The following PELI1 variants were observed in gnomAD, a reference collection of about 807,000 sequenced individuals.
The protein encoded by PELI1 is E3 ubiquitin-protein ligase pellino homolog 1.
In PELI1, 15 loss-of-function variants were observed where a neutral mutation model predicts 41.3. The ratio of observed to expected loss-of-function variants is 0.36; its 90% CI spans 0.24 to 0.56. PELI1 has a LOEUF of 0.56. Among genes scored for constraint, PELI1 ranks in the 20% least tolerant of loss-of-function variants. The pLI is 0.82. For missense variants in PELI1, 403 were observed against 525.5 expected, an observed-to-expected ratio of 0.77 and a Z score of 2.28; for synonymous variants, 178 against 180.1, an observed-to-expected ratio of 0.99 and a Z score of 0.09.
intron 1 of PELI1, among the ~76,000 whole-genome samples, chr2:64,110,928 A>T (rs1307254254): frequency 6.7e-6 from 1 of 149,296 alleles, no homozygotes; most frequent in Non-Finnish European, 1.5e-5. Context: ...TCCATTTCAA[A>T]ATATATATAT....
At chr2:64,123,205 A>T (rs1458846432) in intron 1 of PELI1, among the ~76,000 whole-genome samples, 1 of 152,222 alleles carries the variant, frequency 6.6e-6, no homozygotes, top group Non-Finnish European at 1.5e-5. Context: ...AAAAAGCTGA[A>T]AATCAGACAA....
At chr2:64,144,021 C>A (rs1682019079) in intron 1 of PELI1, 60 bp downstream of exon 1, 1 of 151,688 alleles carries the variant, frequency 6.6e-6, no homozygotes, top group Admixed American at 6.6e-5. Flanking sequence ...GCCCGCCCTC[C>A]CCGCGCCCCT....
intron 1 of PELI1, among the ~76,000 whole-genome samples, chr2:64,137,788 C>CT (rs150495552): frequency 0.023 from 3,534 of 152,132 alleles, 54 homozygotes; most frequent in South Asian, 0.039. Flanking sequence ...CCAATCACCC[C>CT]TTTTTTCCTT....
At chr2:64,127,375 C>T (rs1004890152) in intron 1 of PELI1, among the ~76,000 whole-genome samples, 1 of 152,076 alleles carries the variant, frequency 6.6e-6, no homozygotes, top group Non-Finnish European at 1.5e-5. Context: ...CTTGTCTCTA[C>T]AAAAAATGTA....
chr2:64,143,539 G>A (rs1251615112), intron 1 of PELI1: 1 of 152,102 alleles, frequency 6.6e-6, no homozygotes, highest in Non-Finnish European at 1.5e-5. Flanking sequence ...AGGGGACCCG[G>A]GGGTGAAATT....
rs1401791406 is a variant in PELI1, at chr2:64,108,288, T to C, written c.23A>G (p.Asn8Ser). Reference sequence around the variant, plus strand: ...TTTTACTGGTGCTTTAGATGGATGATTTTCTTGATCAGGAGAAAACATGAG... The same window carrying C: ...TTTTACTGGTGCTTTAGATGGATGACTTTCTTGATCAGGAGAAAACATGAG... MFSPDQE[N>S]HPSKAPVKYG... Residue 8 changes from asparagine to serine, a missense_variant, in exon 2 of 7, where the codon AAT becomes AGT. Coordinates refer to ENST00000358912, the MANE Select transcript of PELI1 (RefSeq NM_020651.4). 1.2e-6 allele frequency: 2 copies of C among 1,607,412 alleles called. No homozygotes were observed. The highest frequency in any genetic ancestry group is 1.7e-6 in the Non-Finnish European group (2 of 1,173,948).
At chr2:64,137,479 TTGTATG>T (rs1421967203) in intron 1 of PELI1, among the ~76,000 whole-genome samples, 10 of 152,182 alleles carry the variant, frequency 6.6e-5, no homozygotes, top group Non-Finnish European at 1.5e-4. Context: ...GTATATGATC[TTGTATG>T]TGTGTGTGTG....
At chr2:64,121,384 T>C (rs1681203901) in intron 1 of PELI1, among the ~76,000 whole-genome samples, 1 of 152,176 alleles carries the variant, frequency 6.6e-6, no homozygotes, top group African/African-American at 2.4e-5. Context: ...ACCAACTCTC[T>C]TAACTTTGGA....
At chr2:64,124,582 T>C (rs1452940308) in intron 1 of PELI1, among the ~76,000 whole-genome samples, 2 of 152,234 alleles carry the variant, frequency 1.3e-5, no homozygotes, top group African/African-American at 4.8e-5. Context: ...CTTTCCCAAA[T>C]GAAGTGCTTT....
At chr2:64,133,527 C>G (rs1681625427) in intron 1 of PELI1, among the ~76,000 whole-genome samples, 1 of 152,026 alleles carries the variant, frequency 6.6e-6, no homozygotes, top group Non-Finnish European at 1.5e-5. Flanking sequence ...GATACAGATA[C>G]AGCTACTAGC....
intron 1 of PELI1, among the ~76,000 whole-genome samples, chr2:64,113,371 G>A (rs1044761835): frequency 2.6e-5 from 4 of 151,730 alleles, no homozygotes; most frequent in African/African-American, 4.8e-5. Flanking sequence ...AAAAACATCC[G>A]AATGTCTCGA....
intron 4 of PELI1, among the ~76,000 whole-genome samples, chr2:64,098,044 T>C (rs1680302866): frequency 6.6e-6 from 1 of 152,188 alleles, no homozygotes. Context: ...GTAGCACTTA[T>C]TTGGAAAGAG....
chr2:64,129,988 T>C (rs1213717819), intron 1 of PELI1, among the ~76,000 whole-genome samples: 1 of 152,198 alleles, frequency 6.6e-6, no homozygotes, highest in East Asian at 1.9e-4. Flanking sequence ...CTCTAGTATA[T>C]ACTACGAAAA....
chr2:64,107,651 A>T (rs1029190224), intron 2 of PELI1, among the ~76,000 whole-genome samples: 4 of 152,048 alleles, frequency 2.6e-5, no homozygotes, highest in African/African-American at 9.7e-5. Flanking sequence ...TGACTGTGAC[A>T]GTGGATAAAT....
chr2:64,138,994 T>C (rs763774982), intron 1 of PELI1, among the ~76,000 whole-genome samples: 3 of 152,194 alleles, frequency 2.0e-5, no homozygotes, highest in Non-Finnish European at 2.9e-5. Flanking sequence ...TATTTTGAAG[T>C]AAAAACCCAC....
chr2:64,138,100 T>A (rs1313238918), intron 1 of PELI1, among the ~76,000 whole-genome samples: 2 of 152,108 alleles, frequency 1.3e-5, no homozygotes, highest in Admixed American at 1.3e-4. Flanking sequence ...GCTAGTTTTT[T>A]TTGTTTTGTT....
chr2:64,133,350 G>C (rs1681617866), intron 1 of PELI1, among the ~76,000 whole-genome samples: 1 of 152,146 alleles, frequency 6.6e-6, no homozygotes, highest in African/African-American at 2.4e-5. Flanking sequence ...ATAGAAGAGA[G>C]AGACTTTCTA....
intron 1 of PELI1, among the ~76,000 whole-genome samples, chr2:64,126,365 T>C (rs983306613): frequency 1.3e-5 from 2 of 152,222 alleles, no homozygotes; most frequent in South Asian, 4.1e-4. Context: ...GGTTTCATCA[T>C]GTTGGCCAGG....
chr2:64,128,057 A>G (rs4671548), intron 1 of PELI1, among the ~76,000 whole-genome samples: 32,313 of 152,136 alleles, frequency 0.21, 4,778 homozygotes, highest in East Asian at 0.74. Flanking sequence ...TTAAAAAAAA[A>G]TATCAACCAG....
Sources: allele counts gnomAD v4.1 joint callset (sites outside exome capture counted in the v4.1 genomes callset), GRCh38; gene constraint gnomAD v4.1.1; transcripts MANE v1.5; gene names NCBI Gene and HGNC (gene_info 2026-07-23, HGNC 2026-07-21).